YDJC: variants seen among roughly 807,000 people sequenced by gnomAD.
YDJC encodes the protein YdjC chitooligosaccharide deacetylase homolog, also known as carbohydrate deacetylase.
In YDJC, 23 loss-of-function variants were observed where a neutral mutation model predicts 18.9. The observed-to-expected ratio is 1.22, with a 90% confidence interval of 0.87 to 1.72. The LOEUF (loss-of-function observed/expected upper bound fraction) is 1.72. YDJC is among the 40% of genes most tolerant of loss of function. The pLI is 0.00. For missense variants in YDJC, 467 were observed against 470.8 expected (o/e 0.99, Z 0.07); for synonymous variants, 224 against 217.6 (o/e 1.03, Z -0.26).
In YDJC at chr22:21,628,415, G is replaced by C; in HGVS notation, c.*3C>G. The C allele has an allele frequency of 6.5e-7, 1 of 1,533,280 alleles. No homozygotes were observed. Among genetic ancestry groups the C allele is most frequent in the Non-Finnish European group, 8.8e-7 (1 of 1,136,530 alleles). The allele number at this position is 1,533,280 out of a possible 1,614,324, so 95.0% of individuals were successfully genotyped here. On this transcript the variant is annotated 3_prime_UTR_variant, in exon 5 of 5. Transcript: ENST00000292778. ...GGATTAGTGCTTGGTTGTCTGTAGG[G>C]GGTCAGAGTAGGGAGGGTTCCAGGA...
rs1189675973 is a variant in YDJC at position 21,629,613 on chromosome 22, C to T, written c.313G>A (p.Asp105Asn). 2 of 1,612,536 alleles carry T rather than the reference C, an allele frequency of 1.2e-6. No individual in the cohort carries two copies. The highest frequency in any genetic ancestry group is 2.2e-5 in the East Asian group (1 of 44,866). The stretch of plus-strand genomic sequence containing the variant: ...CTGCGGCTCCGCACCTGAGGCAAAT[C>T]CACGTCTCCGGCCGCCACCGCCTCC... Reference protein sequence around the residue: ...FREAVAAGDVDLPQVREELEA... With the variant: ...FREAVAAGDVNLPQVREELEA... The change falls in exon 2 of 5, where the codon GAT becomes AAT. Residue 105 changes from aspartate (D) to asparagine (N), a missense_variant. Asp to Asn is a conservative substitution (Grantham distance 23). Transcript: ENST00000292778.
At position 21,628,391 on chromosome 22, in the gene YDJC, G is replaced by A; in HGVS notation, c.*27C>T. 5.3e-6 allele frequency: 8 copies of A among 1,516,256 alleles called. No homozygotes were observed. Among genetic ancestry groups the A allele is most frequent in the South Asian group, 1.3e-5 (1 of 76,502 alleles). 93.9% of individuals were successfully genotyped at this position (1,516,256 alleles called of 1,614,324 possible). ...GGCTCCCCTTTCTTGGTACTAAGGG[G>A]ATTAGTGCTTGGTTGTCTGTAGGGG... On this transcript the variant is annotated 3_prime_UTR_variant, in exon 5 of 5. Coordinates refer to ENST00000292778, the MANE Select transcript of YDJC (RefSeq NM_001017964.2).
At position 21,629,725 on chromosome 22, in the gene YDJC, G is replaced by T; in HGVS notation, c.201C>A (p.Ser67=). The part of the protein sequence containing the change: ...SIPTGLHANL[S]EGRPVGPARR... ...GGGCCGGACCCACGGGGCGGCCCTC[G>T]GACAGGTTGGCGTGGAGGCCCGTGG... Residue 67 remains serine, a synonymous_variant, in exon 2 of 5, where the codon TCC becomes TCA. Transcript: ENST00000292778. The T allele has an allele frequency of 6.4e-7, 1 of 1,567,300 alleles. No individual in the cohort carries two copies. Among genetic ancestry groups the T allele is most frequent in the Non-Finnish European group, 8.6e-7 (1 of 1,158,844 alleles).
In YDJC at chr22:21,629,336, G is replaced by T. The variant is rs753411651; in HGVS notation, c.396C>A (p.Asp132Glu). The change falls in exon 3 of 5, where the codon GAC becomes GAA. Residue 132 changes from aspartate to glutamate, a missense_variant. By Grantham distance (45) the Asp-to-Glu change is conservative (BLOSUM62 2). Transcript: ENST00000292778. ...GGAGCACGTGCACGTGCTGGTGCCCGTCCGCGTGCGTGGGGGCCCTGCCCA... is the reference window on the plus strand; with the variant it reads ...GGAGCACGTGCACGTGCTGGTGCCCTTCCGCGTGCGTGGGGGCCCTGCCCA... ...ELLGRAPTHA[D>E]GHQHVHVLPG... The T allele has an allele frequency of 6.4e-7, 1 of 1,550,390 alleles. No individual in the cohort carries two copies. Among genetic ancestry groups the T allele is most frequent in the Non-Finnish European group, 8.7e-7 (1 of 1,146,914 alleles).
intron 2 of YDJC, 58 bp from the exon 3 acceptor site, chr22:21,629,465 C>T (rs1293285575): frequency 1.3e-6 from 2 of 1,537,384 alleles, no homozygotes; most frequent in Non-Finnish European, 1.8e-6. Flanking sequence ...AGGATACCCT[C>T]CTCGTGCTTC....
At chr22:21,629,472 C>CT (rs2148458665) in intron 2 of YDJC, 65 bp from the exon 3 acceptor site, 1 of 1,539,198 alleles carries the variant, frequency 6.5e-7, no homozygotes, top group African/African-American at 1.4e-5. Flanking sequence ...CCTCCTCGTG[C>CT]TTCCGTGTGA....
rs1186010962 is a variant in YDJC, at chr22:21,628,489, A to G, written c.901T>C (p.Ser301Pro). 6.2e-7 allele frequency: 1 copy of G among 1,609,384 alleles called. No individual in the cohort carries two copies. Among genetic ancestry groups the G allele is most frequent in the African/African-American group, 1.3e-5 (1 of 74,866 alleles). The change falls in exon 5 of 5, where the codon TCC becomes CCC. Residue 301 changes from serine to proline, a missense_variant. Transcript: ENST00000292778. ...GGGACCTCCTCCCCTGGCCTCTTGG[A>G]GTCCAGGTCGTCGAGGGCGCAAAGC... ...VQLCALDDLDSKRPGEEVPCE... is the reference protein window; with the variant it reads ...VQLCALDDLDPKRPGEEVPCE...
Position 21,629,376 on chromosome 22 carries a change from C to G in YDJC, c.356G>C (p.Cys119Ser). The G allele has an allele frequency of 6.5e-7, 1 of 1,549,618 alleles. No individual in the cohort carries two copies. Among genetic ancestry groups the G allele is most frequent in the Non-Finnish European group, 8.7e-7 (1 of 1,146,892 alleles). The change falls in exon 3 of 5, where the codon TGC (cysteine) becomes TCC (serine). Residue 119 changes from cysteine (C) to serine (S), a missense_variant. Transcript: ENST00000292778. ...GGCCCTGCCCAGCAGCTCCCGGAAGCAGCTTAGTTGGGCCTCGAGCTCCTC... is the reference window on the plus strand; with the variant it reads ...GGCCCTGCCCAGCAGCTCCCGGAAGGAGCTTAGTTGGGCCTCGAGCTCCTC... ...VREELEAQLS[C>S]FRELLGRAPT...
Position 21,628,335 on chromosome 22 carries a change from C to G in YDJC, c.*83G>C. ...AAGTCAACAGATCGTGCTCCAGGTC[C>G]CAGCTCTGGGCTGGGCCAGGACTAA... is the stretch of plus-strand genomic sequence containing the variant. On this transcript the variant is annotated 3_prime_UTR_variant, in exon 5 of 5. Transcript: ENST00000292778. The G allele has an allele frequency of 6.9e-7, 1 of 1,455,984 alleles. No individual in the cohort carries two copies. The highest frequency in any genetic ancestry group is 1.4e-5 in the African/African-American group (1 of 69,538). 90.2% of individuals were successfully genotyped at this position (1,455,984 alleles called of 1,614,324 possible). A position where few individuals can be genotyped will look rare whatever the true frequency, so the allele number is the denominator to read the frequency against.
In YDJC at chr22:21,628,745, G is replaced by C; in HGVS notation, c.645C>G (p.His215Gln). ...AFVGLSTCGR[H>Q]MSAHRVSGAL... ...CCCCGGACACGCGGTGAGCGGACAT[G>C]TGCCGGCCGCAAGTGCTCAGGCCCA... is the stretch of plus-strand genomic sequence containing the variant. Residue 215 changes from histidine (H) to glutamine (Q), a missense_variant, in exon 5 of 5, where the codon CAC becomes CAG. Physicochemically the swap from His to Gln is conservative, Grantham distance 24. Coordinates refer to ENST00000292778, the MANE Select transcript of YDJC (RefSeq NM_001017964.2). 1 of 1,512,030 alleles carries C rather than the reference G, an allele frequency of 6.6e-7. No individual in the cohort carries two copies. The highest frequency in any genetic ancestry group is 8.9e-7 in the Non-Finnish European group (1 of 1,128,438). The allele number at this position is 1,512,030 out of a possible 1,614,324, so 93.7% of individuals were successfully genotyped here. A position where few individuals can be genotyped will look rare whatever the true frequency, so the allele number is the denominator to read the frequency against.
intron 3 of YDJC, 54 bp from the exon 4 acceptor site, chr22:21,629,241 A>C: frequency 6.5e-7 from 1 of 1,549,416 alleles, no homozygotes; most frequent in Non-Finnish European, 8.7e-7. Flanking sequence ...GGGGCATCGA[A>C]CTTCCCCTAC....
chr22:21,628,989 A>T, intron 4 of YDJC, 21 bp downstream of exon 4: 2 of 1,451,450 alleles, frequency 1.4e-6, no homozygotes, highest in Non-Finnish European at 1.8e-6. Context: ...CTATGGTAGG[A>T]GACGGGGCGG....
At position 21,628,562 on chromosome 22, in the gene YDJC, G is replaced by A. The variant is rs150362541; in HGVS notation, c.828C>T (p.Val276=). The change falls in exon 5 of 5, where the codon GTC becomes GTT. Residue 276 remains valine (V), a synonymous_variant. Coordinates refer to ENST00000292778, the MANE Select transcript of YDJC (RefSeq NM_001017964.2). ...CSWERLHELR[V]LTAPTLRAQL... ...GGGCCCGCAGCGTGGGCGCGGTGAG[G>A]ACGCGCAGCTCATGCAGCCGCTCCC... 1.3e-5 allele frequency: 21 copies of A among 1,610,548 alleles called. No individual in the cohort carries two copies. The African/African-American group carries it at 2.3e-4, about 17-fold the overall frequency.
chr22:21,629,890 T>C lies in YDJC; in HGVS notation c.125A>G (p.Asn42Ser), dbSNP rs762232912. The part of the protein sequence containing the change: ...GAVTSVSLLV[N>S]GAATESAAEL... Reference sequence around the variant, plus strand: ...CGCCGCGCTCTCCGTGGCCGCACCGTTGACCAGCAGGGACACGCTGGTCAC... The same window carrying C: ...CGCCGCGCTCTCCGTGGCCGCACCGCTGACCAGCAGGGACACGCTGGTCAC... The change falls in exon 1 of 5, where the codon AAC becomes AGC. Residue 42 changes from asparagine to serine, a missense_variant. Asn to Ser is a conservative substitution (Grantham distance 46). Transcript: ENST00000292778. 3.1e-6 allele frequency: 5 copies of C among 1,591,218 alleles called. No individual in the cohort carries two copies. Among genetic ancestry groups the C allele is most frequent in the Non-Finnish European group, 4.3e-6 (5 of 1,173,458 alleles).
In YDJC at chr22:21,629,692, G is replaced by C; in HGVS notation, c.234C>G (p.Gly78=). 1.3e-6 allele frequency: 2 copies of C among 1,597,814 alleles called. No homozygotes were observed. Among genetic ancestry groups the C allele is most frequent in the South Asian group, 1.1e-5 (1 of 89,338 alleles). Residue 78 remains glycine (G), a synonymous_variant, in exon 2 of 5, where the codon GGC becomes GGG. Transcript: ENST00000292778. ...CTTCCGGGCCGAGCAGCGATGAGGC[G>C]CCACGGCGGGCCGGACCCACGGGGC... is the stretch of plus-strand genomic sequence containing the variant. ...EGRPVGPARR[G]ASSLLGPEGF... is the part of the protein sequence containing the mutation.
chr22:21,629,050 C>A lies in YDJC; in HGVS notation c.562G>T (p.Ala188Ser), dbSNP rs1310241286. ...RAFACAVERD[A>S]RAAVGPFSRH... is the part of the protein sequence containing the mutation. ...GAGAAGGGGCCCACGGCGGCCCGGG[C>A]GTCGCGCTCCACGGCGCAGGCGAAG... The change falls in exon 4 of 5, where the codon GCC becomes TCC. Residue 188 changes from alanine to serine, a missense_variant. Coordinates refer to ENST00000292778, the MANE Select transcript of YDJC (RefSeq NM_001017964.2). 8 of 1,511,552 alleles carry A rather than the reference C, an allele frequency of 5.3e-6. No homozygotes were observed. The South Asian group carries it at 8.7e-5, about 16-fold the overall frequency. The allele number at this position is 1,511,552 out of a possible 1,614,324, so 93.6% of individuals were successfully genotyped here. A position where few individuals can be genotyped will look rare whatever the true frequency, so the allele number is the denominator to read the frequency against.
rs573779390 is a variant in YDJC, at chr22:21,628,710, C to T, written c.680G>A (p.Arg227Gln). 6.5e-7 allele frequency: 1 copy of T among 1,537,976 alleles called. No homozygotes were observed. The highest frequency in any genetic ancestry group is 1.2e-5 in the South Asian group (1 of 84,476). Reference sequence around the variant, plus strand: ...GCCCGCTAGGGTACCTTCCAGGACCCGCGCCAGGGCCCCGGACACGCGGTG... The same window carrying T: ...GCCCGCTAGGGTACCTTCCAGGACCTGCGCCAGGGCCCCGGACACGCGGTG... ...SAHRVSGALA[R>Q]VLEGTLAGHT... Residue 227 changes from arginine (R) to glutamine (Q), a missense_variant, in exon 5 of 5, where the codon CGG becomes CAG. By Grantham distance (43) the Arg-to-Gln change is conservative (BLOSUM62 1). Transcript: ENST00000292778.
rs774019421 is a variant in YDJC at position 21,630,010 on chromosome 22, G to A, written c.5C>T (p.Ser2Phe). ...GACCACCAGGCGCATGCGAGGGCGGGACATGGCCGCCTGGGTCCACCGCTC... is the reference window on the plus strand; with the variant it reads ...GACCACCAGGCGCATGCGAGGGCGGAACATGGCCGCCTGGGTCCACCGCTC... The part of the protein sequence containing the change: M[S>F]RPRMRLVVTA... Residue 2 changes from serine to phenylalanine, a missense_variant, in exon 1 of 5, where the codon TCC becomes TTC. Ser to Phe is a radical substitution (Grantham distance 155, BLOSUM62 -2). Transcript: ENST00000292778. The A allele has an allele frequency of 2.5e-6, 4 of 1,594,524 alleles. No individual in the cohort carries two copies. In the South Asian group the frequency reaches 4.5e-5, roughly 18 times the overall value.
Position 21,628,361 on chromosome 22 carries a change from A to G in YDJC, c.*57T>C. 2 of 1,479,978 alleles carry G rather than the reference A, an allele frequency of 1.4e-6. No homozygotes were observed. The highest frequency in any genetic ancestry group is 2.4e-5 in the East Asian group (1 of 41,570). 91.7% of individuals were successfully genotyped at this position (1,479,978 alleles called of 1,614,324 possible). On this transcript the variant is annotated 3_prime_UTR_variant, in exon 5 of 5. Coordinates refer to ENST00000292778, the MANE Select transcript of YDJC (RefSeq NM_001017964.2). ...CAGCTCTGGGCTGGGCCAGGACTAA[A>G]TCCTGGCTCCCCTTTCTTGGTACTA...
Sources: gnomAD v4.1 joint callset for allele counts on GRCh38, gnomAD v4.1.1 for gene constraint, MANE v1.5 for transcripts, NCBI Gene and HGNC (gene_info 2026-07-23, HGNC 2026-07-21) for gene names.